Variants in IL1RAPL1 observed in about 807,000 individuals in gnomAD.
IL1RAPL1 encodes the protein interleukin-1 receptor accessory protein-like 1.
Under a neutral mutation model 48.4 loss-of-function variants are expected in IL1RAPL1, and 3 were observed. The ratio of observed to expected loss-of-function variants is 0.06; its 90% CI spans 0.03 to 0.16. IL1RAPL1 has a LOEUF of 0.16. Among genes scored for constraint, IL1RAPL1 ranks in the 10% least tolerant of loss-of-function variants. IL1RAPL1 has a pLI of 1.00. For synonymous variants in IL1RAPL1, 185 were observed against 187.7 expected (o/e 0.99, Z 0.12); for missense variants, 349 against 530.6 (o/e 0.66, Z 3.36).
intron 5 of IL1RAPL1, among the ~76,000 whole-genome samples, chrX:29,557,169 G>C (rs1220571717): frequency 1.8e-5 from 2 of 111,770 alleles, no homozygotes; most frequent in Non-Finnish European, 3.8e-5. Flanking sequence ...TGGCTGTCTG[G>C]TTTTAAAGAT....
At chrX:29,633,220 CATA>C (rs1924839138) in intron 5 of IL1RAPL1, among the ~76,000 whole-genome samples, 1 of 110,878 alleles carries the variant, frequency 9.0e-6, no homozygotes, top group African/African-American at 3.3e-5. Flanking sequence ...CTCTCACAAA[CATA>C]ATATTATGTG....
intron 5 of IL1RAPL1, among the ~76,000 whole-genome samples, chrX:29,595,057 A>G (rs1923497603): frequency 8.9e-6 from 1 of 112,245 alleles, no homozygotes; most frequent in Non-Finnish European, 1.9e-5. Flanking sequence ...TGCAAATGTC[A>G]TTATTTCATT....
intron 5 of IL1RAPL1, among the ~76,000 whole-genome samples, chrX:29,640,636 G>C (rs923718791): frequency 8.1e-5 from 9 of 111,604 alleles, no homozygotes; most frequent in African/African-American, 2.9e-4. Flanking sequence ...GATCATCCTT[G>C]ACCCCTCCCT....
intron 6 of IL1RAPL1, among the ~76,000 whole-genome samples, chrX:29,917,230 C>T (rs762770072): frequency 8.9e-5 from 10 of 112,245 alleles, no homozygotes; most frequent in East Asian, 2.8e-4. Context: ...GTACAATAGC[C>T]GACCAGTCCT....
chrX:29,846,826 A>G (rs1265874597), intron 6 of IL1RAPL1, among the ~76,000 whole-genome samples: 1 of 108,188 alleles, frequency 9.2e-6, no homozygotes, highest in African/African-American at 3.4e-5. Context: ...ACACACGTAT[A>G]TATGTATATG....
At chrX:29,358,913 C>T (rs187601017) in intron 3 of IL1RAPL1, among the ~76,000 whole-genome samples, 44 of 108,170 alleles carry the variant, frequency 4.1e-4, no homozygotes, top group African/African-American at 1.4e-3. Flanking sequence ...CCCAGCCACT[C>T]GGGAGGCTGA....
At chrX:28,639,147 T>C (rs1160585505) in intron 1 of IL1RAPL1, among the ~76,000 whole-genome samples, 1 of 112,062 alleles carries the variant, frequency 8.9e-6, no homozygotes, top group African/African-American at 3.2e-5. Context: ...AAACAAGTGC[T>C]CATTATGTAT....
At chrX:28,794,868 T>A (rs1399803863) in intron 2 of IL1RAPL1, among the ~76,000 whole-genome samples, 1 of 112,070 alleles carries the variant, frequency 8.9e-6, no homozygotes, top group Non-Finnish European at 1.9e-5. Flanking sequence ...AAAGCGAGAT[T>A]TAACTGAATA....
chrX:28,754,783 G>A (rs73534001), intron 1 of IL1RAPL1, among the ~76,000 whole-genome samples: 1,158 of 111,888 alleles, frequency 0.01, 15 homozygotes, highest in African/African-American at 0.036. Context: ...CTGGAACAAC[G>A]TTGGAAATCC....
At chrX:29,788,821 C>T (rs757734323) in intron 6 of IL1RAPL1, among the ~76,000 whole-genome samples, 4 of 111,660 alleles carry the variant, frequency 3.6e-5, no homozygotes, top group South Asian at 3.7e-4. Flanking sequence ...AATGGTCAAA[C>T]CAAAATCTTT....
At chrX:29,530,391 A>G (rs1935600135) in intron 5 of IL1RAPL1, among the ~76,000 whole-genome samples, 1 of 111,366 alleles carries the variant, frequency 9.0e-6, no homozygotes, top group Admixed American at 9.6e-5. Context: ...GAATTGAATA[A>G]AGGGTTCATT....
At chrX:29,712,690 T>C (rs1319516666) in intron 6 of IL1RAPL1, among the ~76,000 whole-genome samples, 6 of 112,087 alleles carry the variant, frequency 5.4e-5, no homozygotes, top group Non-Finnish European at 1.1e-4. Context: ...AAAAAGAGTA[T>C]ATTTCTTGTG....
intron 2 of IL1RAPL1, among the ~76,000 whole-genome samples, chrX:28,952,189 TTAAAG>T (rs941782204): frequency 2.7e-5 from 3 of 111,241 alleles, no homozygotes; most frequent in African/African-American, 9.8e-5. Context: ...TAAGGATTAC[TTAAAG>T]TTAAAAACAC....
At chrX:29,535,765 A>C (rs763179830) in intron 5 of IL1RAPL1, among the ~76,000 whole-genome samples, 1 of 112,327 alleles carries the variant, frequency 8.9e-6, no homozygotes, top group East Asian at 2.8e-4. Flanking sequence ...AAACAAGAAC[A>C]GTAGAAAATT....
intron 5 of IL1RAPL1, among the ~76,000 whole-genome samples, chrX:29,597,567 T>A (rs1923592567): frequency 8.9e-6 from 1 of 112,217 alleles, no homozygotes; most frequent in South Asian, 3.7e-4. Flanking sequence ...ATAGAATGAT[T>A]TAGGGAGGAT....
chrX:28,993,836 G>T (rs1925667944), intron 2 of IL1RAPL1, among the ~76,000 whole-genome samples: 1 of 111,615 alleles, frequency 9.0e-6, no homozygotes, highest in African/African-American at 3.3e-5. Context: ...ACATTAAATT[G>T]TGCCATATAT....
intron 3 of IL1RAPL1, among the ~76,000 whole-genome samples, chrX:29,391,686 CA>C (rs1262468858): frequency 9.0e-6 from 1 of 111,258 alleles, no homozygotes; most frequent in Non-Finnish European, 1.9e-5. Context: ...AAAGTAAAAC[CA>C]AGGGTTAAGG....
intron 1 of IL1RAPL1, among the ~76,000 whole-genome samples, chrX:28,626,442 C>T (rs1027622174): frequency 9.0e-6 from 1 of 111,627 alleles, no homozygotes; most frequent in African/African-American, 3.3e-5. Flanking sequence ...ACAGCTAAAG[C>T]CTCCCTCTCC....
intron 6 of IL1RAPL1, among the ~76,000 whole-genome samples, chrX:29,678,891 A>C (rs1926368097): frequency 9.2e-6 from 1 of 108,356 alleles, no homozygotes; most frequent in Non-Finnish European, 1.9e-5. Flanking sequence ...AGCATGACAA[A>C]AAGCCAGGAA....
Sources: gnomAD v4.1 joint callset for allele counts (sites outside exome capture counted in the v4.1 genomes callset) on GRCh38, gnomAD v4.1.1 for gene constraint, MANE v1.5 for transcripts, NCBI Gene and HGNC (gene_info 2026-07-23, HGNC 2026-07-21) for gene names.